Variants in LRBA observed in about 807,000 individuals in gnomAD.
The protein encoded by LRBA is lipopolysaccharide-responsive and beige-like anchor protein.
Under a neutral mutation model 330.0 loss-of-function variants are expected in LRBA, and 176 were observed. The observed-to-expected ratio is 0.53, with a 90% CI of 0.47 to 0.60. The LOEUF is 0.60. LRBA is among the 20% of genes least tolerant of loss of function. The pLI is 0.00. For synonymous variants in LRBA, 1,230 were observed against 1,193.0 expected (o/e 1.03, Z -0.64); for missense variants, 3,259 against 3,444.8 (o/e 0.95, Z 1.35).
At chr4:150,905,259 AGACTAGT>A (rs1293681208) in intron 13 of LRBA, among the ~76,000 whole-genome samples, 5 of 152,296 alleles carry the variant, frequency 3.3e-5, no homozygotes, top group African/African-American at 1.2e-4. Context: ...AATGATTACG[AGACTAGT>A]ATATCATGCC....
intron 9 of LRBA, among the ~76,000 whole-genome samples, chr4:150,913,139 A>G (rs980478131): frequency 1.3e-5 from 2 of 152,228 alleles, no homozygotes; most frequent in African/African-American, 4.8e-5. Flanking sequence ...GTGGCATAAC[A>G]CATGTCTATC....
intron 43 of LRBA, among the ~76,000 whole-genome samples, chr4:150,469,640 C>T (rs1755848340): frequency 6.6e-6 from 1 of 152,146 alleles, no homozygotes; most frequent in African/African-American, 2.4e-5. Context: ...CCTCAGCTGA[C>T]TGTGAGATAA....
chr4:150,427,710 G>C (rs571758210), intron 46 of LRBA, among the ~76,000 whole-genome samples: 2 of 151,800 alleles, frequency 1.3e-5, no homozygotes, highest in South Asian at 4.1e-4. Context: ...TTATTAAAAT[G>C]GTGTCTGAGA....
chr4:150,978,100 CT>C, intron 2 of LRBA, among the ~76,000 whole-genome samples: 1 of 152,362 alleles, frequency 6.6e-6, no homozygotes, highest in East Asian at 1.9e-4. Flanking sequence ...GCTGTGCTGG[CT>C]TCAGATCTGA....
chr4:150,553,689 T>C (rs1232060812), intron 40 of LRBA, among the ~76,000 whole-genome samples: 1 of 151,840 alleles, frequency 6.6e-6, no homozygotes, highest in Non-Finnish European at 1.5e-5. Flanking sequence ...AGATGGGGGG[T>C]AGAAGGAGTC....
chr4:150,429,143 T>C (rs1161305980), intron 46 of LRBA, among the ~76,000 whole-genome samples: 1 of 151,666 alleles, frequency 6.6e-6, no homozygotes, highest in Non-Finnish European at 1.5e-5. Flanking sequence ...CATAAAGAAA[T>C]ATGAAGTCAG....
intron 27 of LRBA, among the ~76,000 whole-genome samples, 160 bp from the exon 28 acceptor site, chr4:150,844,367 G>A (rs374524876): frequency 1.3e-5 from 2 of 152,026 alleles, no homozygotes; most frequent in Admixed American, 6.5e-5. Flanking sequence ...TTCTTTGAGG[G>A]GTTGGGGAGA....
At chr4:150,358,496 T>C (rs1054056815) in intron 47 of LRBA, among the ~76,000 whole-genome samples, 2 of 152,082 alleles carry the variant, frequency 1.3e-5, no homozygotes, top group Admixed American at 1.3e-4. Context: ...TTATAGACAT[T>C]AAAATGTTTA....
At chr4:150,876,027 A>G (rs905508384) in intron 17 of LRBA, among the ~76,000 whole-genome samples, 1 of 152,224 alleles carries the variant, frequency 6.6e-6, no homozygotes, top group Admixed American at 6.5e-5. Context: ...AACATCTTAA[A>G]AAGAAATCAA....
chr4:150,652,673 T>A (rs572943565), intron 37 of LRBA, among the ~76,000 whole-genome samples: 1 of 152,312 alleles, frequency 6.6e-6, no homozygotes, highest in African/African-American at 2.4e-5. Flanking sequence ...AAAAATAAAA[T>A]ATTTAGATTC....
At chr4:150,579,695 G>A (rs750652607) in intron 40 of LRBA, 9 of 456,704 alleles carry the variant, frequency 2.0e-5, no homozygotes, top group South Asian at 1.4e-4. Flanking sequence ...GCGAGTGGTG[G>A]CGCGAAGGTC....
intron 48 of LRBA, among the ~76,000 whole-genome samples, chr4:150,331,977 T>C (rs1734059289): frequency 6.6e-6 from 1 of 152,208 alleles, no homozygotes; most frequent in South Asian, 2.1e-4. Flanking sequence ...ACTGTCAATA[T>C]TTTATTGAGT....
chr4:150,839,749 A>G (rs973450902), intron 28 of LRBA, among the ~76,000 whole-genome samples: 1 of 152,192 alleles, frequency 6.6e-6, no homozygotes, highest in Non-Finnish European at 1.5e-5. Context: ...GGGCGGGGTT[A>G]GGGGAGAGGG....
intron 40 of LRBA, chr4:150,582,830 T>C (rs1771562770): frequency 1.9e-6 from 1 of 513,906 alleles, no homozygotes; most frequent in South Asian, 4.4e-5. Context: ...AGAAAAGAGG[T>C]TTCGAAAGAG....
At chr4:150,894,189 T>C (rs983965719) in intron 16 of LRBA, among the ~76,000 whole-genome samples, 7 of 152,156 alleles carry the variant, frequency 4.6e-5, no homozygotes, top group Admixed American at 2.0e-4. Context: ...GCAAATCTGG[T>C]GGTAGTGGTA....
intron 37 of LRBA, among the ~76,000 whole-genome samples, chr4:150,678,070 T>A (rs920131294): frequency 1.3e-5 from 2 of 151,664 alleles, no homozygotes; most frequent in African/African-American, 4.8e-5. Flanking sequence ...TGAAGCCCCA[T>A]CTCTACTAAA....
At chr4:150,694,039 A>G (rs986248171) in intron 36 of LRBA, among the ~76,000 whole-genome samples, 4 of 152,174 alleles carry the variant, frequency 2.6e-5, no homozygotes, top group African/African-American at 9.6e-5. Context: ...AGAAACATAT[A>G]CTTGCTTTTA....
At chr4:150,639,773 ATATATATATGTG>A (rs1239715678) in intron 37 of LRBA, among the ~76,000 whole-genome samples, 72 of 6,064 alleles carry the variant, frequency 0.012, 14 homozygotes, top group African/African-American at 0.034. Context: ...ATATATATAT[ATATATATATGTG>A]TGTGTGTATA....
intron 34 of LRBA, among the ~76,000 whole-genome samples, chr4:150,791,998 C>G (rs563408011): frequency 8.4e-5 from 10 of 119,582 alleles, no homozygotes; most frequent in Non-Finnish European, 1.6e-4. Context: ...CACTGCACTC[C>G]AGCCTGGGCG....
Sources: allele counts gnomAD v4.1 joint callset (sites outside exome capture counted in the v4.1 genomes callset), GRCh38; gene constraint gnomAD v4.1.1; transcripts MANE v1.5; gene names NCBI Gene and HGNC (gene_info 2026-07-23, HGNC 2026-07-21).